NALF1: variants seen among roughly 807,000 people sequenced by gnomAD.
The protein encoded by NALF1 is NALCN channel auxiliary factor 1, also known as family with sequence similarity 155 member A.
In NALF1, 3 loss-of-function variants were observed where a neutral mutation model predicts 48.4. The observed-to-expected ratio is 0.06, with a 90% CI of 0.03 to 0.16. The LOEUF is 0.16. Among genes scored for constraint, NALF1 ranks in the 10% least tolerant of loss-of-function variants. The pLI is 1.00. For synonymous variants in NALF1, 262 were observed against 245.7 expected (o/e 1.07, Z -0.62); for missense variants, 526 against 571.5 (o/e 0.92, Z 0.81).
chr13:107,354,602 A>G (rs919090711), intron 1 of NALF1, among the ~76,000 whole-genome samples: 3 of 152,152 alleles, frequency 2.0e-5, no homozygotes, highest in African/African-American at 7.2e-5. Context: ...TTTTAATGAG[A>G]TTCGGGTGGG....
chr13:107,633,755 T>C (rs1879897014), intron 1 of NALF1, among the ~76,000 whole-genome samples: 1 of 147,460 alleles, frequency 6.8e-6, no homozygotes. Flanking sequence ...CACATATATA[T>C]GGAAAATATA....
At chr13:107,554,224 TTC>T (rs1334573429) in intron 1 of NALF1, among the ~76,000 whole-genome samples, 1 of 152,186 alleles carries the variant, frequency 6.6e-6, no homozygotes, top group Non-Finnish European at 1.5e-5. Context: ...AGCCCCAGGC[TTC>T]TCTTTGCAGG....
At chr13:107,747,100 C>A (rs1317893118) in intron 1 of NALF1, among the ~76,000 whole-genome samples, 1 of 152,180 alleles carries the variant, frequency 6.6e-6, no homozygotes, top group Non-Finnish European at 1.5e-5. Context: ...ATGGAGCCCA[C>A]ATGCATGTAC....
At chr13:107,598,212 T>C (rs887706821) in intron 1 of NALF1, among the ~76,000 whole-genome samples, 7 of 152,114 alleles carry the variant, frequency 4.6e-5, no homozygotes, top group African/African-American at 1.7e-4. Context: ...GATGTGTGAT[T>C]TCCTTTCTAT....
At chr13:107,337,026 T>A (rs1286874466) in intron 1 of NALF1, among the ~76,000 whole-genome samples, 1 of 110,220 alleles carries the variant, frequency 9.1e-6, no homozygotes, top group African/African-American at 4.4e-5. Flanking sequence ...AAAAATAAAA[T>A]ATATTCTTTC....
intron 1 of NALF1, among the ~76,000 whole-genome samples, chr13:107,363,495 A>G (rs1883100990): frequency 6.6e-6 from 1 of 152,210 alleles, no homozygotes; most frequent in African/African-American, 2.4e-5. Context: ...GCTACTCCAG[A>G]GGCTGAAGTG....
At chr13:107,377,137 G>A (rs1883353389) in intron 1 of NALF1, among the ~76,000 whole-genome samples, 1 of 152,158 alleles carries the variant, frequency 6.6e-6, no homozygotes, top group African/African-American at 2.4e-5. Context: ...CCCACCCCCA[G>A]TGAAGAAGCA....
intron 2 of NALF1, among the ~76,000 whole-genome samples, chr13:107,196,142 C>A (rs1450803390): frequency 6.6e-6 from 1 of 152,068 alleles, no homozygotes; most frequent in Non-Finnish European, 1.5e-5. Context: ...ACATTGATGT[C>A]TTTTGGAGTG....
chr13:107,866,748 CCTCTCTCCTCTCTCT>C lies in NALF1; in HGVS notation c.-167_-153del, dbSNP rs1880747263. On this transcript the variant is annotated 5_prime_UTR_variant, in exon 1 of 3. Coordinates refer to ENST00000375915, the MANE Select transcript of NALF1 (RefSeq NM_001080396.3). This position sits in a 1 kb window ranked among gnomAD's most constrained non-coding sequence, Gnocchi z 4.4. ...CTCTCTTTCTCTCTCTTCCCCTCTC[CCTCTCTCCTCTCTCT>C]CTCTCTCCCTCTCCCTCTCTTTTAT... 3 of 617,420 alleles carry C rather than the reference CCTCTCTCCTCTCTCT, an allele frequency of 4.9e-6. No homozygotes were observed. The highest frequency in any genetic ancestry group is 2.0e-5 in the South Asian group (1 of 50,412). The allele number at this position is 617,420 out of a possible 1,614,324, so 38.2% of individuals were successfully genotyped here.
intron 1 of NALF1, among the ~76,000 whole-genome samples, chr13:107,255,974 C>A (rs1401572202): frequency 6.6e-6 from 1 of 151,960 alleles, no homozygotes; most frequent in Admixed American, 6.6e-5. Flanking sequence ...TCAACAAAAG[C>A]AATGATAATG....
chr13:107,862,713 T>C (rs1880606660), intron 1 of NALF1, among the ~76,000 whole-genome samples: 1 of 151,954 alleles, frequency 6.6e-6, no homozygotes, highest in Non-Finnish European at 1.5e-5. Context: ...TTTGAGACAC[T>C]ATAATTTTAT....
chr13:107,390,860 G>T (rs553655970), intron 1 of NALF1, among the ~76,000 whole-genome samples: 13 of 149,618 alleles, frequency 8.7e-5, no homozygotes, highest in African/African-American at 3.2e-4. Context: ...CAAAAGTCAA[G>T]ACCTGCAGCC....
chr13:107,623,256 T>C (rs768011443), intron 1 of NALF1, among the ~76,000 whole-genome samples: 4 of 152,228 alleles, frequency 2.6e-5, no homozygotes, highest in African/African-American at 9.6e-5. Context: ...ACTGTTTTAA[T>C]GTCTCCTACC....
chr13:107,527,215 C>G (rs16970613), intron 1 of NALF1, among the ~76,000 whole-genome samples: 3,637 of 152,190 alleles, frequency 0.024, 137 homozygotes, highest in African/African-American at 0.082. Flanking sequence ...CATTAGATCA[C>G]TTTGATGTGT....
rs2182958 is a variant in NALF1, at chr13:107,169,761, C to T, written c.*736G>A. On this transcript the variant is annotated 3_prime_UTR_variant, in exon 3 of 3. Transcript: ENST00000375915. Reference sequence around the variant, plus strand: ...AACTCTTGTCAGGCCCCCTTGGCTCCGCTCTGTTTCTGGTTTGTGCAACAG... The same window carrying T: ...AACTCTTGTCAGGCCCCCTTGGCTCTGCTCTGTTTCTGGTTTGTGCAACAG... 0.75 allele frequency: 115,187 copies of T among 152,656 alleles called. 44,281 individuals carry two copies. The highest frequency in any genetic ancestry group is 0.91 in the African/African-American group (37,906 of 41,552). The allele number at this position is 152,656 out of a possible 1,614,324, so 9.5% of individuals were successfully genotyped here.
intron 1 of NALF1, among the ~76,000 whole-genome samples, chr13:107,341,880 A>AACACAC (rs57041785): frequency 0.12 from 16,895 of 146,686 alleles, 1,106 homozygotes; most frequent in East Asian, 0.22. Context: ...TGCACATGCA[A>AACACAC]ACACACACAC....
At chr13:107,194,050 AT>A (rs1566446889) in intron 2 of NALF1, among the ~76,000 whole-genome samples, 9 of 113,870 alleles carry the variant, frequency 7.9e-5, no homozygotes, top group African/African-American at 2.8e-4. Flanking sequence ...CTATCTATCT[AT>A]CTATCTATAT....
intron 1 of NALF1, among the ~76,000 whole-genome samples, chr13:107,355,161 G>A (rs1882941237): frequency 6.6e-6 from 1 of 152,156 alleles, no homozygotes; most frequent in East Asian, 1.9e-4. Flanking sequence ...GTTACAGTGA[G>A]GTGACAGGTC....
chr13:107,837,364 G>T (rs1018799735), intron 1 of NALF1, among the ~76,000 whole-genome samples: 2 of 152,202 alleles, frequency 1.3e-5, no homozygotes, highest in Non-Finnish European at 2.9e-5. Flanking sequence ...CCCCTCCAGA[G>T]CCTATTGAAC....
Sources: gnomAD v4.1 joint callset for allele counts (sites outside exome capture counted in the v4.1 genomes callset) on GRCh38, gnomAD v4.1.1 for gene constraint, Gnocchi (gnomAD v3.1) non-coding constraint, MANE v1.5 for transcripts, NCBI Gene and HGNC (gene_info 2026-07-23, HGNC 2026-07-21) for gene names.